The following MRPS9 variants were observed in gnomAD, a reference collection of about 807,000 sequenced individuals.
MRPS9 encodes the protein mitochondrial ribosomal protein S9.
MRPS9 carries 45 observed loss-of-function variants against 59.9 expected under a neutral mutation model. The observed-to-expected ratio is 0.75, with a 90% CI of 0.59 to 0.96. The LOEUF (loss-of-function observed/expected upper bound fraction) is 0.96, where lower values mean the gene tolerates loss of function less well. MRPS9 is among the 40% of genes least tolerant of loss of function. The pLI is 0.00. For synonymous variants in MRPS9, 171 were observed against 166.8 expected, an observed-to-expected ratio of 1.03 and a Z score of -0.19; for missense variants, 473 against 481.1, an observed-to-expected ratio of 0.98 and a Z score of 0.16.
chr2:105,098,485 A>G (rs973072398), intron 10 of MRPS9: 20 of 152,196 alleles, frequency 1.3e-4, no homozygotes, highest in Admixed American at 1.2e-3. Flanking sequence ...GCTTATAAGC[A>G]ATTTGTCATC....
chr2:105,092,076 G>C (rs985220502), intron 7 of MRPS9: 1 of 207,026 alleles, frequency 4.8e-6, no homozygotes, highest in African/African-American at 2.3e-5. Flanking sequence ...TAATAAAAGA[G>C]AGCAAATTAC....
At chr2:105,074,801 A>C (rs1375318428) in intron 4 of MRPS9, among the ~76,000 whole-genome samples, 1 of 152,168 alleles carries the variant, frequency 6.6e-6, no homozygotes. Flanking sequence ...CTCAATCAGG[A>C]GAATAGTGGT....
chr2:105,071,420 TA>T, intron 3 of MRPS9, 38 bp from the exon 4 acceptor site: 1 of 1,584,030 alleles, frequency 6.3e-7, no homozygotes, highest in East Asian at 2.3e-5. Context: ...TTTTATATGT[TA>T]TGATAATTAT....
Position 105,092,458 on chromosome 2 carries a change from G to A in MRPS9, c.709G>A (p.Glu237Lys). 1 of 1,613,948 alleles carries A rather than the reference G, an allele frequency of 6.2e-7. No homozygotes were observed. Among genetic ancestry groups the A allele is most frequent in the Non-Finnish European group, 8.5e-7 (1 of 1,179,932 alleles). The change falls in exon 8 of 11, where the codon GAG (glutamate) becomes AAG (lysine). Residue 237 changes from glutamate to lysine, a missense_variant. Coordinates refer to ENST00000258455, the MANE Select transcript of MRPS9 (RefSeq NM_182640.3). Reference protein sequence around the residue: ...KLLTSQCGAAEEEFVQRFRRS... With the variant: ...KLLTSQCGAAKEEFVQRFRRS... ...ATTGACATCGCAGTGTGGTGCTGCTGAGGAAGAATTTGTGCAGAGGTTTCG... is the reference window on the plus strand; with the variant it reads ...ATTGACATCGCAGTGTGGTGCTGCTAAGGAAGAATTTGTGCAGAGGTTTCG...
Position 105,092,478 on chromosome 2 carries a change from G to A in MRPS9, c.729G>A (p.Arg243=). The stretch of plus-strand genomic sequence containing the variant: ...CTGCTGAGGAAGAATTTGTGCAGAG[G>A]TTTCGAAGAAGTGTAACTCTTGAAT... ...CGAAEEEFVQ[R]FRRSVTLESK... Residue 243 remains arginine (R), a synonymous_variant, in exon 8 of 11, where the codon AGG becomes AGA. Transcript: ENST00000258455. 1 of 1,613,908 alleles carries A rather than the reference G, an allele frequency of 6.2e-7. No homozygotes were observed.
chr2:105,081,405 T>C (rs1680339703), intron 5 of MRPS9, among the ~76,000 whole-genome samples: 1 of 152,252 alleles, frequency 6.6e-6, no homozygotes, highest in South Asian at 2.1e-4. Context: ...GCCTTTAGAC[T>C]GTATGCTACA....
intron 1 of MRPS9, among the ~76,000 whole-genome samples, chr2:105,048,668 A>G (rs1188494173): frequency 1.3e-5 from 2 of 152,158 alleles, no homozygotes; most frequent in South Asian, 4.1e-4. Context: ...AAGCCAAAAG[A>G]TGGTTAAAGA....
At chr2:105,089,721 G>T (rs1208023755) in intron 6 of MRPS9, among the ~76,000 whole-genome samples, 199 bp from the exon 7 acceptor site, 1 of 152,126 alleles carries the variant, frequency 6.6e-6, no homozygotes, top group Non-Finnish European at 1.5e-5. Flanking sequence ...TAAAACATTT[G>T]CTAGAGTAGA....
Position 105,092,511 on chromosome 2 carries a change from A to C in MRPS9, c.762A>C (p.Lys254Asn). Reference sequence around the variant, plus strand: ...GAAGTGTAACTCTTGAATCAAAAAAACAGCTGATTGAACCTGTACAGTATG... The same window carrying C: ...GAAGTGTAACTCTTGAATCAAAAAACCAGCTGATTGAACCTGTACAGTATG... The part of the protein sequence containing the change: ...FRRSVTLESK[K>N]QLIEPVQYDE... The change falls in exon 8 of 11, where the codon AAA becomes AAC. Residue 254 changes from lysine to asparagine, a missense_variant. Lys to Asn is a moderately conservative substitution (Grantham distance 94). Coordinates refer to ENST00000258455, the MANE Select transcript of MRPS9 (RefSeq NM_182640.3). 6.2e-7 allele frequency: 1 copy of C among 1,614,024 alleles called. No individual in the cohort carries two copies. The highest frequency in any genetic ancestry group is 1.1e-5 in the South Asian group (1 of 91,062).
At chr2:105,065,596 T>G (rs1051521768) in intron 2 of MRPS9, among the ~76,000 whole-genome samples, 1 of 152,212 alleles carries the variant, frequency 6.6e-6, no homozygotes, top group Non-Finnish European at 1.5e-5. Context: ...TGAAAAGTCT[T>G]CTTATGGTTA....
chr2:105,081,052 T>C (rs1240640578), intron 5 of MRPS9, among the ~76,000 whole-genome samples: 1 of 152,206 alleles, frequency 6.6e-6, no homozygotes, highest in Non-Finnish European at 1.5e-5. Flanking sequence ...CGGTAGAGGT[T>C]CTCTCCCGCA....
chr2:105,079,254 A>G (rs1470876592), intron 4 of MRPS9, among the ~76,000 whole-genome samples: 1 of 152,152 alleles, frequency 6.6e-6, no homozygotes, highest in Non-Finnish European at 1.5e-5. Context: ...ACCAGGAAGT[A>G]TAATCTGCTT....
chr2:105,039,268 A>G (rs898472913), intron 1 of MRPS9, among the ~76,000 whole-genome samples: 9 of 150,180 alleles, frequency 6.0e-5, no homozygotes, highest in African/African-American at 2.2e-4. Flanking sequence ...TTTCCTTTAT[A>G]TTTTAATCTA....
At chr2:105,067,591 C>T (rs1680025520) in intron 2 of MRPS9, among the ~76,000 whole-genome samples, 1 of 152,172 alleles carries the variant, frequency 6.6e-6, no homozygotes. Context: ...CAGCCAGTGG[C>T]TTTAGCATTT....
At chr2:105,074,161 A>G (rs930405572) in intron 4 of MRPS9, among the ~76,000 whole-genome samples, 2 of 152,204 alleles carry the variant, frequency 1.3e-5, no homozygotes, top group African/African-American at 4.8e-5. Context: ...TGGACATTGT[A>G]TTATACAGAG....
At chr2:105,091,976 A>G (rs1271085529) in intron 7 of MRPS9, 2 of 155,842 alleles carry the variant, frequency 1.3e-5, no homozygotes, top group African/African-American at 4.8e-5. Flanking sequence ...ATATAATTTA[A>G]GAGGTACATT....
chr2:105,077,106 G>A (rs777789609), intron 4 of MRPS9, among the ~76,000 whole-genome samples: 4 of 152,022 alleles, frequency 2.6e-5, no homozygotes, highest in Admixed American at 1.3e-4. Context: ...ATAGCCGGGC[G>A]TGGTGGCGCA....
intron 5 of MRPS9, 49 bp from the exon 6 acceptor site, chr2:105,088,935 T>A: frequency 7.8e-7 from 1 of 1,278,028 alleles, no homozygotes; most frequent in Non-Finnish European, 1.1e-6. Flanking sequence ...AGTTATAATG[T>A]ACCATTGCTC....
At position 105,097,287 on chromosome 2, in the gene MRPS9, C is replaced by T; in HGVS notation, c.1062C>T (p.Ser354=). The change falls in exon 10 of 11, where the codon AGC becomes AGT. Residue 354 remains serine, a synonymous_variant. Coordinates refer to ENST00000258455, the MANE Select transcript of MRPS9 (RefSeq NM_182640.3). ...TGGCAATGGCAAAAGCCTTGTGCAGCTTTGTCACCGAGGACGAGGTCGAGT... is the reference window on the plus strand; with the variant it reads ...TGGCAATGGCAAAAGCCTTGTGCAGTTTTGTCACCGAGGACGAGGTCGAGT... ...IRLAMAKALC[S]FVTEDEVEWM... is the part of the protein sequence containing the mutation. 4.3e-6 allele frequency: 7 copies of T among 1,611,168 alleles called. No homozygotes were observed. Among genetic ancestry groups the T allele is most frequent in the Non-Finnish European group, 5.9e-6 (7 of 1,178,818 alleles).
Sources: gnomAD v4.1 joint callset for allele counts (sites outside exome capture counted in the v4.1 genomes callset) on GRCh38, gnomAD v4.1.1 for gene constraint, MANE v1.5 for transcripts, NCBI Gene and HGNC (gene_info 2026-07-23, HGNC 2026-07-21) for gene names.